BDP1: variants seen among roughly 807,000 people sequenced by gnomAD.
The protein encoded by BDP1 is BDP1 general transcription factor IIIB subunit.
Under a neutral mutation model 266.6 loss-of-function variants are expected in BDP1, and 169 were observed. That is an observed-to-expected ratio of 0.63 (90% CI 0.56 to 0.72). The LOEUF is 0.72. BDP1 is among the 30% of genes least tolerant of loss of function. The probability of loss-of-function intolerance (pLI) is 0.00; values close to 1 mark genes in which losing one functional copy is unlikely to be tolerated. For synonymous variants in BDP1, 1,090 were observed against 1,022.4 expected (o/e 1.07, Z -1.26); for missense variants, 3,015 against 3,053.8 (o/e 0.99, Z 0.30).
chr5:71,496,888 A>T (rs1409621363), intron 12 of BDP1, among the ~76,000 whole-genome samples: 1 of 152,156 alleles, frequency 6.6e-6, no homozygotes, highest in African/African-American at 2.4e-5. Flanking sequence ...CGGCCTTCCC[A>T]TCATCATTTA....
intron 26 of BDP1, among the ~76,000 whole-genome samples, chr5:71,538,772 G>GT (rs1375176676): frequency 6.6e-6 from 1 of 152,168 alleles, no homozygotes; most frequent in Non-Finnish European, 1.5e-5. Flanking sequence ...AGTAAGAATG[G>GT]TAGACGTACA....
intron 17 of BDP1, among the ~76,000 whole-genome samples, chr5:71,511,685 A>G (rs1293550651): frequency 3.3e-5 from 5 of 151,996 alleles, no homozygotes; most frequent in Non-Finnish European, 7.4e-5. Context: ...TGAAAAAGTC[A>G]CTGTTATTAT....
intron 7 of BDP1, among the ~76,000 whole-genome samples, chr5:71,479,049 T>A (rs1762769807): frequency 6.6e-6 from 1 of 152,164 alleles, no homozygotes; most frequent in Non-Finnish European, 1.5e-5. Context: ...TATTTTATTT[T>A]ATTTTATTTT....
chr5:71,493,387 G>A (rs564343128), intron 11 of BDP1, among the ~76,000 whole-genome samples: 1 of 152,240 alleles, frequency 6.6e-6, no homozygotes, highest in Non-Finnish European at 1.5e-5. Context: ...AGCATCTCGA[G>A]TAGCTGGGAC....
At chr5:71,570,182 G>A (rs767240541), downstream of BDP1, among the ~76,000 whole-genome samples, 21 of 152,134 alleles carry the variant, frequency 1.4e-4, no homozygotes, top group Non-Finnish European at 2.2e-4. Flanking sequence ...TCTGAAAACT[G>A]GATCACAGAG....
At chr5:71,524,362 T>C (rs1765661240) in intron 25 of BDP1, 39 bp downstream of exon 25, 1 of 1,533,278 alleles carries the variant, frequency 6.5e-7, no homozygotes, top group Non-Finnish European at 8.8e-7. Context: ...TTTATCTTAC[T>C]TGGTTTTCAC....
intron 34 of BDP1, among the ~76,000 whole-genome samples, chr5:71,552,601 C>A (rs1488534947): frequency 6.6e-6 from 1 of 151,672 alleles, no homozygotes. Context: ...GCGGATCACT[C>A]GCGGTTAGGA....
Position 71,535,060 on chromosome 5 carries a change from C to G in BDP1, c.5892+2633C>G, listed in dbSNP as rs183709437. Among the ~76,000 whole-genome samples, 3 of 152,294 alleles carry G rather than the reference C, an allele frequency of 2.0e-5. No individual in the cohort carries two copies. The East Asian group carries it at 5.8e-4, about 29-fold the overall frequency. Reference sequence around the variant, plus strand: ...TCTTTGGTGGATTCCTTAGGATTTTCTATTTGTCAAATCATGTCATCTGCA... The same window carrying G: ...TCTTTGGTGGATTCCTTAGGATTTTGTATTTGTCAAATCATGTCATCTGCA... On this transcript the variant is annotated intron_variant, in intron 26 of 38. Transcript: ENST00000358731.
Position 71,504,687 on chromosome 5 carries a change from G to C in BDP1, c.2308G>C (p.Glu770Gln). 6.2e-7 allele frequency: 1 copy of C among 1,613,446 alleles called. No individual in the cohort carries two copies. Among genetic ancestry groups the C allele is most frequent in the Non-Finnish European group, 8.5e-7 (1 of 1,179,532 alleles). The change falls in exon 16 of 39, where the codon GAG becomes CAG. Residue 770 changes from glutamate (E) to glutamine (Q), a missense_variant. By Grantham distance (29) the Glu-to-Gln change is conservative. Transcript: ENST00000358731. ...FEEEDVILQP[E>Q]KNDSFQNVQP... ...AGAGGAAGATGTCATATTACAGCCT[G>C]AGAAAAATGATTCTTTTCAAAATGT...
chr5:71,487,398 C>T (rs1225067914), intron 9 of BDP1, among the ~76,000 whole-genome samples: 1 of 152,060 alleles, frequency 6.6e-6, no homozygotes, highest in Non-Finnish European at 1.5e-5. Flanking sequence ...CCCGTCACCA[C>T]ACCCGGCTAA....
At chr5:71,493,320 C>T (rs540876948) in intron 11 of BDP1, among the ~76,000 whole-genome samples, 6 of 152,272 alleles carry the variant, frequency 3.9e-5, no homozygotes, top group African/African-American at 9.6e-5. Flanking sequence ...AGTGTAGTAG[C>T]GTGATCACAG....
chr5:71,487,696 G>A (rs759661198), intron 9 of BDP1, among the ~76,000 whole-genome samples: 8 of 152,170 alleles, frequency 5.3e-5, no homozygotes, highest in Admixed American at 1.3e-4. Flanking sequence ...ACCGGGGTTC[G>A]ATTATCCACT....
chr5:71,456,888 TAAGTG>T (rs1279314147), intron 1 of BDP1, among the ~76,000 whole-genome samples: 1 of 152,344 alleles, frequency 6.6e-6, no homozygotes, highest in Non-Finnish European at 1.5e-5. Context: ...ACAGCCTTGT[TAAGTG>T]AAGTGAGATA....
chr5:71,502,021 A>G (rs1288373274), intron 14 of BDP1, among the ~76,000 whole-genome samples: 3 of 152,176 alleles, frequency 2.0e-5, no homozygotes, highest in South Asian at 2.1e-4. Flanking sequence ...CATTTATACT[A>G]TGATTTGGGA....
chr5:71,470,103 A>G (rs1471954555), intron 6 of BDP1, among the ~76,000 whole-genome samples: 1 of 151,778 alleles, frequency 6.6e-6, no homozygotes, highest in African/African-American at 2.4e-5. Context: ...AGCCTCCCAA[A>G]GTGCTGGGAT....
chr5:71,520,448 C>G (rs1305041860), intron 22 of BDP1, among the ~76,000 whole-genome samples: 1 of 152,128 alleles, frequency 6.6e-6, no homozygotes, highest in Non-Finnish European at 1.5e-5. Flanking sequence ...ATTACAAATG[C>G]TATATTGGAT....
chr5:71,522,645 C>A, intron 23 of BDP1, 111 bp from the exon 24 acceptor site: 1 of 1,199,400 alleles, frequency 8.3e-7, no homozygotes, highest in Non-Finnish European at 1.2e-6. Flanking sequence ...GATGAGCAAC[C>A]AACTGCTTGT....
At chr5:71,543,082 G>A (rs999413644) in intron 30 of BDP1, among the ~76,000 whole-genome samples, 2 of 152,122 alleles carry the variant, frequency 1.3e-5, no homozygotes, top group African/African-American at 4.8e-5. Flanking sequence ...GATGAAACCA[G>A]ACTGGGCTGG....
chr5:71,470,033 G>T, intron 6 of BDP1, among the ~76,000 whole-genome samples: 1 of 151,570 alleles, frequency 6.6e-6, no homozygotes, highest in East Asian at 1.9e-4. Flanking sequence ...TAGAGACGGG[G>T]TTTCTCCATG....
Sources: allele counts gnomAD v4.1 joint callset (sites outside exome capture counted in the v4.1 genomes callset), GRCh38; gene constraint gnomAD v4.1.1; transcripts MANE v1.5; gene names NCBI Gene and HGNC (gene_info 2026-07-23, HGNC 2026-07-21).